GSK3B: variants seen among roughly 807,000 people sequenced by gnomAD.
GSK3B encodes glycogen synthase kinase-3 beta.
GSK3B carries 15 observed loss-of-function variants against 56.4 expected under a neutral mutation model. That is an observed-to-expected ratio of 0.27 (90% CI 0.18 to 0.41). The LOEUF is 0.41. Among genes scored for constraint, GSK3B ranks in the 10% least tolerant of loss-of-function variants. GSK3B has a pLI of 1.00. For synonymous variants in GSK3B, 181 were observed against 188.9 expected (o/e 0.96, Z 0.34); for missense variants, 300 against 513.4 (o/e 0.58, Z 4.02).
chr3:119,868,118 A>C (rs1035970974), intron 8 of GSK3B, among the ~76,000 whole-genome samples: 9 of 152,218 alleles, frequency 5.9e-5, no homozygotes, highest in African/African-American at 1.9e-4. Flanking sequence ...AAGAAGAAGA[A>C]GAAAGAAAAG....
In GSK3B at chr3:119,824,866, C is replaced by T. The variant is rs2055476428; in HGVS notation, c.*1922G>A. 1 of 181,380 alleles carries T rather than the reference C, an allele frequency of 5.5e-6. No homozygotes were observed. Among genetic ancestry groups the T allele is most frequent in the South Asian group, 2.0e-4 (1 of 5,070 alleles). 11.2% of individuals were successfully genotyped at this position (181,380 alleles called of 1,614,324 possible). On this transcript the variant is annotated 3_prime_UTR_variant, in exon 11 of 11. Coordinates refer to ENST00000264235, the MANE Select transcript of GSK3B (RefSeq NM_001146156.2). ...CTGGGTACTGGTTCACTTCAGCAGGCAGGACAACTCTCTTGGAGAGTCACA... is the reference window on the plus strand; with the variant it reads ...CTGGGTACTGGTTCACTTCAGCAGGTAGGACAACTCTCTTGGAGAGTCACA...
chr3:120,059,819 A>T (rs1340323282), intron 1 of GSK3B, among the ~76,000 whole-genome samples: 1 of 152,152 alleles, frequency 6.6e-6, no homozygotes, highest in Admixed American at 6.5e-5. Context: ...TATAAATTTA[A>T]CTCTATTACT....
In GSK3B at chr3:120,077,933, A is replaced by G. The variant is rs550578740; in HGVS notation, c.88+15414T>C. On this transcript the variant is annotated intron_variant, in intron 1 of 10. Coordinates refer to ENST00000264235, the MANE Select transcript of GSK3B (RefSeq NM_001146156.2). The stretch of plus-strand genomic sequence containing the variant: ...CCCGGAATAAATCAATTAAAAAAAT[A>G]TATTTTTTTTAACCTCAGATTCTTC... Among the ~76,000 whole-genome samples the G allele has an allele frequency of 7.9e-5, 12 of 151,972 alleles. No individual in the cohort carries two copies. In the South Asian group the frequency reaches 1.9e-3, roughly 24 times the overall value.
intron 2 of GSK3B, among the ~76,000 whole-genome samples, chr3:120,001,002 A>G (rs1358774383): frequency 7.3e-6 from 1 of 136,790 alleles, no homozygotes; most frequent in Non-Finnish European, 1.5e-5. Flanking sequence ...TCGGCTCACT[A>G]CAAGCTCTGC....
intron 2 of GSK3B, among the ~76,000 whole-genome samples, chr3:119,967,086 T>C (rs903915734): frequency 3.7e-5 from 5 of 134,532 alleles, no homozygotes; most frequent in Admixed American, 2.9e-4. Context: ...TACAGCTACC[T>C]TTTTTTTTTT....
intron 3 of GSK3B, among the ~76,000 whole-genome samples, chr3:119,933,800 C>G (rs776027327): frequency 8.5e-5 from 13 of 152,170 alleles, no homozygotes; most frequent in Non-Finnish European, 1.6e-4. Flanking sequence ...TCACTTGAGC[C>G]TGGGAGGCAG....
intron 2 of GSK3B, among the ~76,000 whole-genome samples, chr3:119,956,134 G>T (rs2057212337): frequency 4.6e-5 from 7 of 152,206 alleles, no homozygotes; most frequent in Admixed American, 3.3e-4. Flanking sequence ...AATAGAAGGA[G>T]GGAGGTGACA....
intron 1 of GSK3B, among the ~76,000 whole-genome samples, chr3:120,031,030 T>A (rs575534966): frequency 6.6e-6 from 1 of 152,304 alleles, no homozygotes; most frequent in African/African-American, 2.4e-5. Context: ...TCTATTATTG[T>A]CTCAAACATA....
At chr3:119,974,818 T>C (rs886394841) in intron 2 of GSK3B, among the ~76,000 whole-genome samples, 13 of 152,296 alleles carry the variant, frequency 8.5e-5, no homozygotes, top group Middle Eastern at 3.4e-3. Flanking sequence ...TCCAAAACAC[T>C]GACATCACCA....
chr3:120,070,148 A>C (rs931533055), intron 1 of GSK3B, among the ~76,000 whole-genome samples: 1 of 151,854 alleles, frequency 6.6e-6, no homozygotes, highest in African/African-American at 2.4e-5. Context: ...AGGAGGTGGA[A>C]GCTGCAGTGA....
At chr3:119,922,652 C>T (rs2056854683) in intron 4 of GSK3B, among the ~76,000 whole-genome samples, 2 of 151,434 alleles carry the variant, frequency 1.3e-5, no homozygotes, top group Admixed American at 6.6e-5. Context: ...AAACTCTAAC[C>T]ATAAGACATT....
chr3:119,981,036 T>C (rs2057455860), intron 2 of GSK3B, among the ~76,000 whole-genome samples: 1 of 152,222 alleles, frequency 6.6e-6, no homozygotes, highest in Admixed American at 6.5e-5. Context: ...CTTTATAAAA[T>C]GTCACTGTAA....
At chr3:120,041,918 C>T (rs2107532558) in intron 1 of GSK3B, among the ~76,000 whole-genome samples, 1 of 152,314 alleles carries the variant, frequency 6.6e-6, no homozygotes, top group South Asian at 2.1e-4. Context: ...CCTTAAAGTA[C>T]TTGCAGAACC....
At chr3:119,953,289 A>AT (rs1356616133) in intron 2 of GSK3B, among the ~76,000 whole-genome samples, 1 of 94,440 alleles carries the variant, frequency 1.1e-5, no homozygotes, top group Non-Finnish European at 2.3e-5. Flanking sequence ...AAGAACAAAT[A>AT]TAACATGAGA....
intron 2 of GSK3B, among the ~76,000 whole-genome samples, chr3:119,986,671 A>G (rs1284912029): frequency 1.3e-5 from 2 of 152,218 alleles, no homozygotes; most frequent in African/African-American, 4.8e-5. Context: ...GTCGTTAAAA[A>G]GTCAGGAAAC....
At chr3:120,074,552 A>G (rs747513575) in intron 1 of GSK3B, among the ~76,000 whole-genome samples, 4 of 151,874 alleles carry the variant, frequency 2.6e-5, no homozygotes, top group Non-Finnish European at 4.4e-5. Context: ...TCCTGACCTC[A>G]TGATCTGCCC....
At chr3:119,925,705 T>TAA (rs373158070) in intron 3 of GSK3B, among the ~76,000 whole-genome samples, 1 of 145,388 alleles carries the variant, frequency 6.9e-6, no homozygotes, top group African/African-American at 2.5e-5. Context: ...TCTCCCATCT[T>TAA]AAAAAAAAAA....
intron 3 of GSK3B, among the ~76,000 whole-genome samples, chr3:119,934,727 TA>T (rs1347899828): frequency 6.6e-6 from 1 of 152,124 alleles, no homozygotes; most frequent in Non-Finnish European, 1.5e-5. Context: ...CATATAGACA[TA>T]AAAGCCCTAT....
intron 7 of GSK3B, among the ~76,000 whole-genome samples, chr3:119,892,036 G>A (rs1487494273): frequency 6.6e-6 from 1 of 152,046 alleles, no homozygotes; most frequent in African/African-American, 2.4e-5. Context: ...AAGTACTACG[G>A]CCCAAGAAGC....
Sources: allele counts gnomAD v4.1 joint callset (sites outside exome capture counted in the v4.1 genomes callset), GRCh38; gene constraint gnomAD v4.1.1; transcripts MANE v1.5; gene names NCBI Gene and HGNC (gene_info 2026-07-23, HGNC 2026-07-21).